Variants in INPP4B observed in about 807,000 individuals in gnomAD.
INPP4B encodes inositol polyphosphate-4-phosphatase type II B.
INPP4B carries 55 observed loss-of-function variants against 122.5 expected under a neutral mutation model. That is an observed-to-expected ratio of 0.45 (90% confidence interval 0.36 to 0.56). The LOEUF is 0.56. INPP4B is among the 20% of genes least tolerant of loss of function. INPP4B has a pLI of 0.00. For synonymous variants in INPP4B, 403 were observed against 388.7 expected (o/e 1.04, Z -0.43); for missense variants, 1,000 against 1,097.7 (o/e 0.91, Z 1.26).
At chr4:142,577,904 G>A (rs980142640) in intron 2 of INPP4B, among the ~76,000 whole-genome samples, 1 of 151,950 alleles carries the variant, frequency 6.6e-6, no homozygotes, top group Non-Finnish European at 1.5e-5. Context: ...TAGCAAAAGA[G>A]ATGCCAGCAA....
At chr4:142,134,245 A>G (rs768481473) in intron 18 of INPP4B, among the ~76,000 whole-genome samples, 1 of 152,178 alleles carries the variant, frequency 6.6e-6, no homozygotes, top group Non-Finnish European at 1.5e-5. Context: ...AACTTTGTAC[A>G]TTATTTTACC....
At chr4:142,156,367 G>C (rs1000748246) in intron 17 of INPP4B, among the ~76,000 whole-genome samples, 4 of 152,034 alleles carry the variant, frequency 2.6e-5, no homozygotes, top group African/African-American at 9.7e-5. Flanking sequence ...TAATAGTTTG[G>C]TTAAATGACA....
At chr4:142,141,261 C>T (rs183986138) in intron 18 of INPP4B, among the ~76,000 whole-genome samples, 241 of 152,156 alleles carry the variant, frequency 1.6e-3, no homozygotes, top group Non-Finnish European at 2.7e-3. Flanking sequence ...TGAAGATGTG[C>T]CTCATAGGCT....
At chr4:142,774,294 C>T (rs1208465857) in intron 1 of INPP4B, among the ~76,000 whole-genome samples, 2 of 147,190 alleles carry the variant, frequency 1.4e-5, no homozygotes, top group East Asian at 1.9e-4. Flanking sequence ...AAGACACCTT[C>T]GGGCTTATTC....
chr4:142,405,315 T>G lies in INPP4B; in HGVS notation c.146A>C (p.Asp49Ala), dbSNP rs761847688. ...ACGATCACGGACAGGAGCCACGAGA[T>G]CCTTGCATGCTGGCAACGGCAGAGG... Reference protein sequence around the residue: ...PQLEFILACKDLVAPVRDRKL... With the variant: ...PQLEFILACKALVAPVRDRKL... The change falls in exon 6 of 26, where the codon GAT (aspartate) becomes GCT (alanine). Residue 49 changes from aspartate (D) to alanine (A), a missense_variant. Asp to Ala is a moderately radical substitution (Grantham distance 126, BLOSUM62 -2). Coordinates refer to ENST00000262992, the MANE Select transcript of INPP4B (RefSeq NM_001101669.3). The G allele has an allele frequency of 2.5e-6, 4 of 1,602,324 alleles. No homozygotes were observed. The highest frequency in any genetic ancestry group is 1.7e-5 in the Admixed American group (1 of 59,952).
chr4:142,548,792 T>TA (rs1727300930), intron 2 of INPP4B, among the ~76,000 whole-genome samples: 2 of 151,880 alleles, frequency 1.3e-5, no homozygotes, highest in Non-Finnish European at 2.9e-5. Context: ...TATATATATA[T>TA]TAATTTAACG....
intron 2 of INPP4B, among the ~76,000 whole-genome samples, chr4:142,615,318 CAA>C (rs1368514028): frequency 6.6e-6 from 1 of 152,004 alleles, no homozygotes; most frequent in African/African-American, 2.4e-5. Flanking sequence ...AGTAATAAAT[CAA>C]TACATGGAAG....
intron 2 of INPP4B, among the ~76,000 whole-genome samples, chr4:142,631,946 A>G (rs552835631): frequency 6.6e-6 from 1 of 152,266 alleles, no homozygotes; most frequent in East Asian, 1.9e-4. Context: ...CAAGACAGAC[A>G]GATCTCCACA....
At chr4:142,604,077 G>T (rs754850858) in intron 2 of INPP4B, among the ~76,000 whole-genome samples, 1 of 151,942 alleles carries the variant, frequency 6.6e-6, no homozygotes, top group African/African-American at 2.4e-5. Context: ...TTCAATACAC[G>T]CAAATCAATA....
chr4:142,393,841 C>T (rs902135400), intron 7 of INPP4B, among the ~76,000 whole-genome samples: 1 of 152,208 alleles, frequency 6.6e-6, no homozygotes, highest in African/African-American at 2.4e-5. Flanking sequence ...CTGTATGCCA[C>T]CTCCGTTTTC....
chr4:142,294,165 A>T (rs1757577116), intron 9 of INPP4B, among the ~76,000 whole-genome samples: 1 of 152,228 alleles, frequency 6.6e-6, no homozygotes, highest in Admixed American at 6.5e-5. Context: ...ATGTATCAAA[A>T]CTACCTTTGT....
chr4:142,361,837 T>C (rs1248247137), intron 7 of INPP4B, among the ~76,000 whole-genome samples: 1 of 151,940 alleles, frequency 6.6e-6, no homozygotes, highest in Admixed American at 6.6e-5. Flanking sequence ...AATAATTAAT[T>C]TTATAAGTAA....
intron 25 of INPP4B, chr4:142,029,513 C>T (rs973511212): frequency 3.0e-6 from 3 of 985,612 alleles, no homozygotes; most frequent in Non-Finnish European, 3.6e-6. Flanking sequence ...AAGACACAAA[C>T]AAGACCTTGT....
intron 2 of INPP4B, among the ~76,000 whole-genome samples, chr4:142,706,207 A>G (rs576255472): frequency 3.3e-5 from 5 of 152,348 alleles, no homozygotes; most frequent in Admixed American, 3.3e-4. Context: ...GTCAGGCCTA[A>G]GCCCTCGAGG....
rs188646298 is a variant in INPP4B at position 142,455,078 on chromosome 4, A to C, written c.-127+7585T>G. Reference sequence around the variant, plus strand: ...GGTGTATGTATTTATGAGGTATCAAAACCTCATTATTTCATGATGTGAAAT... The same window carrying C: ...GGTGTATGTATTTATGAGGTATCAACACCTCATTATTTCATGATGTGAAAT... On this transcript the variant is annotated intron_variant, in intron 3 of 25. Coordinates refer to ENST00000262992, the MANE Select transcript of INPP4B (RefSeq NM_001101669.3). Among the ~76,000 whole-genome samples, 67 of 152,096 alleles carry C rather than the reference A, an allele frequency of 4.4e-4. 1 individual carries two copies. The highest frequency in any genetic ancestry group is 1.6e-3 in the African/African-American group (65 of 41,538).
At chr4:142,108,779 A>G (rs1788511807) in intron 22 of INPP4B, among the ~76,000 whole-genome samples, 2 of 152,148 alleles carry the variant, frequency 1.3e-5, no homozygotes, top group African/African-American at 4.8e-5. Context: ...AGGTGTCAAG[A>G]CAAACCTGTC....
chr4:142,305,629 A>C, intron 8 of INPP4B, 92 bp from the exon 9 acceptor site: 2 of 1,513,214 alleles, frequency 1.3e-6, no homozygotes, highest in Non-Finnish European at 1.8e-6. Flanking sequence ...CTTTAGAAGA[A>C]TGAAATATTA....
intron 9 of INPP4B, among the ~76,000 whole-genome samples, chr4:142,289,545 C>A (rs1419923541): frequency 3.9e-5 from 6 of 152,164 alleles, no homozygotes; most frequent in African/African-American, 9.7e-5. Flanking sequence ...CAGCCCCCAG[C>A]CCTTGGACAG....
Position 142,176,816 on chromosome 4 carries a change from G to A in INPP4B, c.1182-3007C>T, listed in dbSNP as rs368059440. ...TTTAGAGACACCCTGTCATTGTTTT[G>A]ACTGAGATCCCCTCTAAACCCTTGA... On this transcript the variant is annotated intron_variant, in intron 15 of 25. Transcript: ENST00000262992. Among the ~76,000 whole-genome samples the A allele has an allele frequency of 4.0e-4, 61 of 152,226 alleles. No individual in the cohort carries two copies. The South Asian group carries it at 0.012, about 29-fold the overall frequency.
Sources: allele counts gnomAD v4.1 joint callset (sites outside exome capture counted in the v4.1 genomes callset), GRCh38; gene constraint gnomAD v4.1.1; transcripts MANE v1.5; gene names NCBI Gene and HGNC (gene_info 2026-07-23, HGNC 2026-07-21).